Variants in MSH3 observed in about 807,000 individuals in gnomAD.
The protein encoded by MSH3 is mutS homolog 3, also known as DNA mismatch repair protein Msh3.
In MSH3, 106 loss-of-function variants were observed where a neutral mutation model predicts 123.3. The ratio of observed to expected loss-of-function variants is 0.86; its 90% CI spans 0.73 to 1.01. The LOEUF (loss-of-function observed/expected upper bound fraction) is 1.01. Ranked by LOEUF, MSH3 falls within the 50% of genes least tolerant of loss-of-function variation. The pLI is 0.00. For missense variants in MSH3, 1,459 were observed against 1,347.6 expected, an observed-to-expected ratio of 1.08 and a Z score of -1.29; for synonymous variants, 515 against 481.4, an observed-to-expected ratio of 1.07 and a Z score of -0.91.
chr5:80,787,109 T>C (rs929310578), intron 17 of MSH3, among the ~76,000 whole-genome samples: 2 of 152,214 alleles, frequency 1.3e-5, no homozygotes, highest in African/African-American at 4.8e-5. Flanking sequence ...ATAGACAACC[T>C]GCTTTCAAGA....
chr5:80,744,993 G>A (rs1327773694), intron 12 of MSH3, among the ~76,000 whole-genome samples: 1 of 152,124 alleles, frequency 6.6e-6, no homozygotes, highest in Non-Finnish European at 1.5e-5. Context: ...TGGTAGTAGT[G>A]GTGGGATCAA....
In MSH3 at chr5:80,682,052, A is replaced by G. The variant is rs143750081; in HGVS notation, c.1340+2959A>G. Reference sequence around the variant, plus strand: ...TTTGCACTTTTTTTTGTATCCTTTGATCATTTTCACTTTATTTGCATATTG... The same window carrying G: ...TTTGCACTTTTTTTTGTATCCTTTGGTCATTTTCACTTTATTTGCATATTG... On this transcript the variant is annotated intron_variant, in intron 8 of 23. Transcript: ENST00000265081. Among the ~76,000 whole-genome samples the G allele has an allele frequency of 3.4e-3, 519 of 152,214 alleles. 2 individuals are homozygous for G. The highest frequency in any genetic ancestry group is 0.024 in the Middle Eastern group (7 of 294).
chr5:80,757,510 C>G (rs1367944212), intron 12 of MSH3, among the ~76,000 whole-genome samples: 1 of 152,020 alleles, frequency 6.6e-6, no homozygotes. Context: ...GTGAAGGACT[C>G]CAGTGACACT....
At chr5:80,856,674 A>G (rs1712601736) in intron 21 of MSH3, among the ~76,000 whole-genome samples, 4 of 152,160 alleles carry the variant, frequency 2.6e-5, no homozygotes, top group Admixed American at 2.6e-4. Flanking sequence ...CACATTGTGC[A>G]CATGTACCCT....
At chr5:80,709,375 C>A (rs950668823) in intron 8 of MSH3, among the ~76,000 whole-genome samples, 2 of 152,190 alleles carry the variant, frequency 1.3e-5, no homozygotes, top group African/African-American at 4.8e-5. Flanking sequence ...GTAATCCCAG[C>A]ACTTTGGGAG....
Position 80,836,209 on chromosome 5 carries a change from A to T in MSH3, c.2814-17921A>T, listed in dbSNP as rs374317527. Among the ~76,000 whole-genome samples, 13 of 152,336 alleles carry T rather than the reference A, an allele frequency of 8.5e-5. No homozygotes were observed. In the East Asian group the frequency reaches 1.5e-3, roughly 18 times the overall value. On this transcript the variant is annotated intron_variant, in intron 20 of 23. Coordinates refer to ENST00000265081, the MANE Select transcript of MSH3 (RefSeq NM_002439.5). Reference sequence around the variant, plus strand: ...GATCAGTCACTTCTTTTCATTTTAAACTTTAATTTTGGACATTCACAAAAT... The same window carrying T: ...GATCAGTCACTTCTTTTCATTTTAATCTTTAATTTTGGACATTCACAAAAT...
chr5:80,794,346 CTA>C (rs1490506876), intron 19 of MSH3, among the ~76,000 whole-genome samples: 1 of 152,100 alleles, frequency 6.6e-6, no homozygotes, highest in Non-Finnish European at 1.5e-5. Context: ...CTGTTAGAAA[CTA>C]TGCTAGTGGG....
chr5:80,821,509 C>T (rs1035901466), intron 20 of MSH3, among the ~76,000 whole-genome samples: 2 of 152,118 alleles, frequency 1.3e-5, no homozygotes, highest in Non-Finnish European at 2.9e-5. Flanking sequence ...CAAAATTGAC[C>T]ACAACTTTAA....
chr5:80,771,611 T>C (rs956059697), intron 15 of MSH3, among the ~76,000 whole-genome samples: 3 of 152,220 alleles, frequency 2.0e-5, no homozygotes, highest in Admixed American at 2.0e-4. Context: ...ATTTTACATT[T>C]ATTGGTGCTT....
intron 8 of MSH3, among the ~76,000 whole-genome samples, chr5:80,683,542 A>C (rs775479781): frequency 5.3e-5 from 8 of 152,070 alleles, no homozygotes; most frequent in Non-Finnish European, 7.4e-5. Flanking sequence ...CTATTTTTAA[A>C]TTGGATAATT....
intron 4 of MSH3, among the ~76,000 whole-genome samples, chr5:80,670,665 G>A (rs1304703080): frequency 6.6e-6 from 1 of 152,124 alleles, no homozygotes; most frequent in Non-Finnish European, 1.5e-5. Flanking sequence ...TTTTTGAGAT[G>A]TATAGAAGTT....
At chr5:80,869,344 A>T (rs1350187692) in intron 22 of MSH3, among the ~76,000 whole-genome samples, 1 of 152,200 alleles carries the variant, frequency 6.6e-6, no homozygotes, top group African/African-American at 2.4e-5. Context: ...CATTTAAGAA[A>T]TGGCCATAGC....
Position 80,814,335 on chromosome 5 carries a change from T to C in MSH3, c.2813+594T>C, listed in dbSNP as rs191487440. On this transcript the variant is annotated intron_variant, in intron 20 of 23. Transcript: ENST00000265081. The stretch of plus-strand genomic sequence containing the variant: ...TTCCTAGGCCAGAGTGCAATGGCAC[T>C]ATCTCAGCTCACTGCAACCTTTGCC... Among the ~76,000 whole-genome samples the C allele has an allele frequency of 7.2e-4, 109 of 152,264 alleles. 1 individual carries two copies. Among genetic ancestry groups the C allele is most frequent in the South Asian group, 3.7e-3 (18 of 4,824 alleles).
At chr5:80,713,252 A>T (rs972891977) in intron 8 of MSH3, among the ~76,000 whole-genome samples, 1 of 152,164 alleles carries the variant, frequency 6.6e-6, no homozygotes, top group South Asian at 2.1e-4. Flanking sequence ...ACATTAAAAG[A>T]TATTATTGGT....
At chr5:80,826,237 A>C (rs556406017) in intron 20 of MSH3, among the ~76,000 whole-genome samples, 2 of 152,378 alleles carry the variant, frequency 1.3e-5, no homozygotes, top group Admixed American at 1.3e-4. Flanking sequence ...CTTAAATGTA[A>C]GAATCTACTG....
intron 5 of MSH3, 66 bp downstream of exon 5, chr5:80,672,426 T>A: frequency 8.4e-7 from 1 of 1,196,434 alleles, no homozygotes; most frequent in Non-Finnish European, 1.3e-6. Context: ...TGCAAACGTG[T>A]TTTGTAAGGT....
chr5:80,716,447 G>A (rs956868799), intron 8 of MSH3, among the ~76,000 whole-genome samples: 2 of 150,566 alleles, frequency 1.3e-5, no homozygotes, highest in African/African-American at 2.4e-5. Flanking sequence ...TTTTGTTTTT[G>A]CAGAGATTGG....
At chr5:80,715,164 C>T (rs1452174604) in intron 8 of MSH3, 1 of 152,198 alleles carries the variant, frequency 6.6e-6, no homozygotes, top group Non-Finnish European at 1.5e-5. Flanking sequence ...CCGCCCACAG[C>T]AAGGAGAGCC....
chr5:80,658,029 T>C, intron 2 of MSH3, among the ~76,000 whole-genome samples: 1 of 110,684 alleles, frequency 9.0e-6, no homozygotes, highest in Non-Finnish European at 1.9e-5. Context: ...AAGAATGCTT[T>C]TTGCCCTCTT....
Sources: gnomAD v4.1 joint callset for allele counts (sites outside exome capture counted in the v4.1 genomes callset) on GRCh38, gnomAD v4.1.1 for gene constraint, MANE v1.5 for transcripts, NCBI Gene and HGNC (gene_info 2026-07-23, HGNC 2026-07-21) for gene names.